The following NFIA variants were observed in gnomAD, a reference collection of about 807,000 sequenced individuals.
NFIA encodes nuclear factor I A.
In NFIA, 8 loss-of-function variants were observed where a neutral mutation model predicts 62.8. That is an observed-to-expected ratio of 0.13 (90% CI 0.07 to 0.23). NFIA has a LOEUF of 0.23. NFIA is among the 10% of genes least tolerant of loss of function. NFIA has a pLI of 1.00. For missense variants in NFIA, 410 were observed against 642.1 expected (o/e 0.64, Z 3.91); for synonymous variants, 235 against 238.1 (o/e 0.99, Z 0.12).
At chr1:61,383,707 TGC>T (rs1186393293) in intron 7 of NFIA, among the ~76,000 whole-genome samples, 7 of 152,262 alleles carry the variant, frequency 4.6e-5, no homozygotes, top group Non-Finnish European at 1.0e-4. Context: ...TGTGTGTGTG[TGC>T]GCACATGCGC....
At chr1:61,353,767 C>A (rs1662679720) in intron 5 of NFIA, among the ~76,000 whole-genome samples, 1 of 152,166 alleles carries the variant, frequency 6.6e-6, no homozygotes, top group African/African-American at 2.4e-5. Flanking sequence ...TCAAATCCTA[C>A]CATCATCTTT....
chr1:61,266,216 G>A (rs1377565596), intron 2 of NFIA, among the ~76,000 whole-genome samples: 1 of 151,908 alleles, frequency 6.6e-6, no homozygotes, highest in Admixed American at 6.6e-5. Context: ...CTCCCATAGA[G>A]ACCCTTCTTA....
chr1:61,263,722 C>T lies in NFIA; in HGVS notation c.560-13798C>T, dbSNP rs540657891. Reference sequence around the variant, plus strand: ...AAAAACAAATAGCATTGGCTGGGCACGGTGGCTCACGCCTGTAATCCCAGC... The same window carrying T: ...AAAAACAAATAGCATTGGCTGGGCATGGTGGCTCACGCCTGTAATCCCAGC... On this transcript the variant is annotated intron_variant, in intron 2 of 10. Transcript: ENST00000403491. Among the ~76,000 whole-genome samples the T allele has an allele frequency of 1.1e-4, 16 of 152,214 alleles. No individual in the cohort carries two copies. The South Asian group carries it at 2.9e-3, about 28-fold the overall frequency.
intron 7 of NFIA, among the ~76,000 whole-genome samples, chr1:61,400,527 T>C (rs1301240848): frequency 6.6e-6 from 1 of 152,180 alleles, no homozygotes; most frequent in Non-Finnish European, 1.5e-5. Flanking sequence ...TGCACTGCAA[T>C]AAACTGTAAC....
chr1:61,352,853 T>C (rs537372961), intron 5 of NFIA, among the ~76,000 whole-genome samples: 18 of 152,128 alleles, frequency 1.2e-4, no homozygotes, highest in African/African-American at 4.3e-4. Flanking sequence ...GAGAGCTTTA[T>C]GCAAAAAGAA....
intron 10 of NFIA, among the ~76,000 whole-genome samples, chr1:61,445,442 T>C (rs1415855798): frequency 6.6e-6 from 1 of 152,186 alleles, no homozygotes; most frequent in South Asian, 2.1e-4. Context: ...GAAATAAATC[T>C]GAACATAAAA....
At chr1:61,330,321 A>C (rs1354869026) in intron 3 of NFIA, among the ~76,000 whole-genome samples, 1 of 152,184 alleles carries the variant, frequency 6.6e-6, no homozygotes, top group Non-Finnish European at 1.5e-5. Flanking sequence ...GCTTTGTCTC[A>C]GGCATTAAGT....
chr1:61,304,991 A>G (rs1659688217), intron 3 of NFIA, among the ~76,000 whole-genome samples: 1 of 152,226 alleles, frequency 6.6e-6, no homozygotes, highest in Admixed American at 6.5e-5. Context: ...TCACAATGAA[A>G]TGTAAGTAGA....
intron 2 of NFIA, among the ~76,000 whole-genome samples, chr1:61,172,622 C>G (rs11811476): frequency 6.6e-6 from 1 of 152,188 alleles, no homozygotes; most frequent in East Asian, 1.9e-4. Context: ...GCCCTGTGTT[C>G]TAGACTAGGG....
chr1:61,241,425 A>T (rs945989586), intron 2 of NFIA, among the ~76,000 whole-genome samples: 1 of 152,132 alleles, frequency 6.6e-6, no homozygotes, highest in Non-Finnish European at 1.5e-5. Flanking sequence ...TGTTGGCAAG[A>T]TTTATTGGGG....
intron 2 of NFIA, among the ~76,000 whole-genome samples, chr1:61,272,028 C>T (rs1657536554): frequency 1.3e-5 from 2 of 151,968 alleles, no homozygotes; most frequent in African/African-American, 4.8e-5. Context: ...ATTAATTGAC[C>T]TTAAATATTA....
At chr1:61,359,086 C>A in intron 5 of NFIA, 61 bp from the exon 6 acceptor site, 2 of 1,588,044 alleles carry the variant, frequency 1.3e-6, no homozygotes, top group Non-Finnish European at 1.7e-6. Flanking sequence ...ACCAGAGGTG[C>A]AGTGTCCAAG....
At chr1:61,107,869 T>C (rs1005384093) in intron 2 of NFIA, among the ~76,000 whole-genome samples, 12 of 151,800 alleles carry the variant, frequency 7.9e-5, no homozygotes, top group Admixed American at 1.3e-4. Context: ...TTTTATTCTG[T>C]ATGAATGGAC....
chr1:61,233,908 A>G (rs1654825748), intron 2 of NFIA, among the ~76,000 whole-genome samples: 3 of 152,190 alleles, frequency 2.0e-5, no homozygotes, highest in Admixed American at 6.5e-5. Context: ...ATTAGTTTCA[A>G]TAGTTGCTTG....
intron 2 of NFIA, among the ~76,000 whole-genome samples, chr1:61,193,847 C>T (rs1360542505): frequency 1.3e-5 from 2 of 152,222 alleles, no homozygotes; most frequent in African/African-American, 4.8e-5. Context: ...AAACATCCCA[C>T]TTTAATAGAA....
At chr1:61,104,964 A>T (rs11207697) in intron 2 of NFIA, among the ~76,000 whole-genome samples, 34 of 152,074 alleles carry the variant, frequency 2.2e-4, no homozygotes, top group Middle Eastern at 3.4e-3. Context: ...ATGGATTTTT[A>T]AAAAAACTTA....
At chr1:61,156,879 A>C (rs763360844) in intron 2 of NFIA, among the ~76,000 whole-genome samples, 1 of 152,266 alleles carries the variant, frequency 6.6e-6, no homozygotes, top group Non-Finnish European at 1.5e-5. Context: ...GGCAACTCAC[A>C]TAGTAAACCT....
At chr1:61,197,982 A>G (rs1391582807) in intron 2 of NFIA, among the ~76,000 whole-genome samples, 1 of 152,108 alleles carries the variant, frequency 6.6e-6, no homozygotes, top group Non-Finnish European at 1.5e-5. Flanking sequence ...ACTATGCAAG[A>G]AAGAAAGAAA....
At chr1:61,160,131 C>G (rs1406134596) in intron 2 of NFIA, among the ~76,000 whole-genome samples, 2 of 152,110 alleles carry the variant, frequency 1.3e-5, no homozygotes, top group Non-Finnish European at 2.9e-5. Context: ...GAGAAGGGAA[C>G]TGGAATCCCT....
Sources: allele counts gnomAD v4.1 joint callset (sites outside exome capture counted in the v4.1 genomes callset), GRCh38; gene constraint gnomAD v4.1.1; transcripts MANE v1.5; gene names NCBI Gene and HGNC (gene_info 2026-07-23, HGNC 2026-07-21).